Variants in LRRC7 observed in about 807,000 individuals in gnomAD.
LRRC7 encodes the protein leucine rich repeat containing 7.
Under a neutral mutation model 175.7 loss-of-function variants are expected in LRRC7, and 23 were observed. The ratio of observed to expected loss-of-function variants is 0.13; its 90% confidence interval spans 0.09 to 0.19. The LOEUF is 0.19. Among genes scored for constraint, LRRC7 ranks in the 10% least tolerant of loss-of-function variants. The pLI is 1.00. For synonymous variants in LRRC7, 685 were observed against 680.9 expected (o/e 1.01, Z -0.09); for missense variants, 1,354 against 1,904.7 (o/e 0.71, Z 5.38).
chr1:69,908,927 G>A (rs1646420386), intron 7 of LRRC7, among the ~76,000 whole-genome samples: 1 of 151,804 alleles, frequency 6.6e-6, no homozygotes, highest in Non-Finnish European at 1.5e-5. Flanking sequence ...AGGTCACTAA[G>A]GACTTGCTTT....
At chr1:69,797,359 C>A (rs1328494096) in intron 4 of LRRC7, among the ~76,000 whole-genome samples, 1 of 152,128 alleles carries the variant, frequency 6.6e-6, no homozygotes, top group Admixed American at 6.5e-5. Context: ...ACTAGAATAA[C>A]AAACTTCATT....
intron 7 of LRRC7, among the ~76,000 whole-genome samples, chr1:69,902,163 A>G (rs1331436239): frequency 1.3e-5 from 2 of 152,190 alleles, no homozygotes; most frequent in African/African-American, 2.4e-5. Context: ...CCTGAAGGCA[A>G]CAGCCACATG....
chr1:70,076,457 T>C (rs529178172), intron 24 of LRRC7, among the ~76,000 whole-genome samples, 159 bp downstream of exon 24: 2 of 152,260 alleles, frequency 1.3e-5, no homozygotes, highest in African/African-American at 4.8e-5. Flanking sequence ...TTCTTTCCAG[T>C]GGTTAAGGAC....
chr1:69,744,954 G>C (rs1423082641), intron 2 of LRRC7, among the ~76,000 whole-genome samples: 1 of 151,720 alleles, frequency 6.6e-6, no homozygotes, highest in African/African-American at 2.4e-5. Flanking sequence ...TCATTTACAT[G>C]GTTCTCTTAT....
chr1:69,824,374 A>G (rs1389405723), intron 4 of LRRC7, among the ~76,000 whole-genome samples: 2 of 152,174 alleles, frequency 1.3e-5, no homozygotes, highest in African/African-American at 4.8e-5. Context: ...TATTTAATGG[A>G]AGAAGTTCTA....
At position 69,828,951 on chromosome 1, in the gene LRRC7, G is replaced by A. The variant is rs548626543; in HGVS notation, c.500+3125G>A. ...AAAAGAAAAAAATGTTGAAATAAGG[G>A]TGACTGAAACTGATCTTAATTTGCC... is the stretch of plus-strand genomic sequence containing the variant. On this transcript the variant is annotated intron_variant, in intron 5 of 26. Transcript: ENST00000651989. 2.0e-4 allele frequency among the ~76,000 whole-genome samples: 30 copies of A among 151,978 alleles called. No homozygotes were observed. In the South Asian group the frequency reaches 6.2e-3, roughly 32 times the overall value.
In LRRC7 at chr1:69,834,996, A is replaced by G. The variant is rs374474690; in HGVS notation, c.590+127A>G. 7.8e-6 allele frequency: 5 copies of G among 639,922 alleles called. No individual in the cohort carries two copies. In the East Asian group the frequency reaches 1.2e-4, roughly 15 times the overall value. 39.6% of individuals were successfully genotyped at this position (639,922 alleles called of 1,614,324 possible). ...GATAGGCCTCATTATTATTCAATAAATGAAACGCTGTTAATTAATGAAACT... is the reference window on the plus strand; with the variant it reads ...GATAGGCCTCATTATTATTCAATAAGTGAAACGCTGTTAATTAATGAAACT... On this transcript the variant is annotated intron_variant, in intron 6 of 26. Transcript: ENST00000651989.
intron 7 of LRRC7, among the ~76,000 whole-genome samples, chr1:69,891,661 G>T (rs568143584): frequency 1.3e-5 from 2 of 152,044 alleles, no homozygotes; most frequent in Admixed American, 6.6e-5. Context: ...GAACCCAGGA[G>T]GTGGAAGTTG....
chr1:69,939,389 C>A (rs960136864), intron 8 of LRRC7, among the ~76,000 whole-genome samples: 12 of 151,966 alleles, frequency 7.9e-5, no homozygotes, highest in African/African-American at 2.9e-4. Context: ...ACTGGAAACA[C>A]TTGCTGTTAC....
intron 7 of LRRC7, among the ~76,000 whole-genome samples, chr1:69,856,253 A>C (rs2101497930): frequency 6.6e-6 from 1 of 152,324 alleles, no homozygotes; most frequent in Non-Finnish European, 1.5e-5. Flanking sequence ...GGTAAGAAAT[A>C]ACTAAAATCA....
At chr1:69,587,536 T>G (rs1050409598) in intron 1 of LRRC7, among the ~76,000 whole-genome samples, 2 of 152,210 alleles carry the variant, frequency 1.3e-5, no homozygotes, top group Non-Finnish European at 2.9e-5. Context: ...GGCTAACATA[T>G]TCACACAGTT....
intron 1 of LRRC7, among the ~76,000 whole-genome samples, chr1:69,584,689 A>T (rs1569700709): frequency 6.6e-6 from 1 of 152,166 alleles, no homozygotes; most frequent in Non-Finnish European, 1.5e-5. Context: ...TCCCCAGTTA[A>T]AACAATTTAT....
At chr1:70,089,912 G>C (rs1442125178) in intron 25 of LRRC7, 93 bp downstream of exon 25, 3 of 900,046 alleles carry the variant, frequency 3.3e-6, no homozygotes, top group African/African-American at 1.7e-5. Flanking sequence ...TGTTTTTGTT[G>C]TGTTTTCATG....
intron 7 of LRRC7, chr1:69,919,552 A>T (rs1646819095): frequency 2.5e-6 from 2 of 795,996 alleles, no homozygotes; most frequent in Non-Finnish European, 4.3e-6. Flanking sequence ...GAAGCCAGTC[A>T]AGGCGGCCCT....
intron 7 of LRRC7, among the ~76,000 whole-genome samples, chr1:69,879,061 T>C (rs1204161052): frequency 6.6e-6 from 1 of 150,468 alleles, no homozygotes; most frequent in Non-Finnish European, 1.5e-5. Context: ...TGGGTGACTA[T>C]AATGTGTAGA....
intron 8 of LRRC7, among the ~76,000 whole-genome samples, chr1:69,963,516 A>G (rs1651346793): frequency 6.6e-6 from 1 of 152,118 alleles, no homozygotes; most frequent in Non-Finnish European, 1.5e-5. Context: ...GGGGCTTTGT[A>G]TTCTTTGGAT....
intron 18 of LRRC7, among the ~76,000 whole-genome samples, chr1:70,032,131 G>A (rs1404623074): frequency 6.6e-6 from 1 of 152,148 alleles, no homozygotes; most frequent in Non-Finnish European, 1.5e-5. Flanking sequence ...GCGATCTAAT[G>A]TTGTAACTGA....
rs765562100 is a variant in LRRC7, at chr1:70,021,064, C to T, written c.1480C>T (p.Arg494Cys). Residue 494 changes from arginine to cysteine, a missense_variant, in exon 16 of 27, where the codon CGC becomes TGC. Around this residue, in one of 4 missense-constraint regions of LRRC7, gnomAD observed 1,032 missense variants for 1,227.2 expected, o/e 0.84. Coordinates refer to ENST00000651989, the MANE Select transcript of LRRC7 (RefSeq NM_001370785.2). ...PTLWEEQRQQ[R>C]MTVAFEFEDK... ...ACTGTGGGAAGAGCAGAGACAACAA[C>T]GCATGACTGTTGCCTTTGAATTTGA... The T allele has an allele frequency of 2.5e-6, 4 of 1,612,784 alleles. No homozygotes were observed. Among genetic ancestry groups the T allele is most frequent in the South Asian group, 1.1e-5 (1 of 91,036 alleles).
chr1:69,584,167 G>A (rs1213223798), intron 1 of LRRC7, among the ~76,000 whole-genome samples: 2 of 152,030 alleles, frequency 1.3e-5, no homozygotes, highest in Non-Finnish European at 2.9e-5. Flanking sequence ...AGGCTGATCA[G>A]CAAAAAATAG....
Sources: allele counts gnomAD v4.1 joint callset (sites outside exome capture counted in the v4.1 genomes callset), GRCh38; gene constraint gnomAD v4.1.1; regional missense constraint gnomAD v4.1.1; transcripts MANE v1.5; gene names NCBI Gene and HGNC (gene_info 2026-07-23, HGNC 2026-07-21).